Variants in SYT14 observed in about 807,000 individuals in gnomAD.
SYT14 encodes the protein synaptotagmin-14.
Under a neutral mutation model 74.2 loss-of-function variants are expected in SYT14, and 32 were observed. The ratio of observed to expected loss-of-function variants is 0.43; its 90% CI spans 0.33 to 0.58. The LOEUF is 0.58. Among genes scored for constraint, SYT14 ranks in the 20% least tolerant of loss-of-function variants. The pLI, the probability that SYT14 is intolerant of heterozygous loss-of-function variation, is 0.05. For missense variants in SYT14, 791 were observed against 981.8 expected (o/e 0.81, Z 2.60); for synonymous variants, 298 against 337.7 (o/e 0.88, Z 1.29).
intron 5 of SYT14, among the ~76,000 whole-genome samples, chr1:210,074,400 A>G (rs1036676317): frequency 5.9e-5 from 9 of 152,218 alleles, no homozygotes; most frequent in Non-Finnish European, 1.3e-4. Flanking sequence ...TCTAATACCA[A>G]AACCCACATT....
intron 2 of SYT14, among the ~76,000 whole-genome samples, chr1:209,991,395 A>G (rs1157074310): frequency 6.6e-6 from 1 of 152,212 alleles, no homozygotes; most frequent in Non-Finnish European, 1.5e-5. Flanking sequence ...ATAAAGGTCC[A>G]ATGTCCAGAA....
intron 5 of SYT14, among the ~76,000 whole-genome samples, chr1:210,028,418 A>G (rs749247086): frequency 6.7e-6 from 1 of 149,680 alleles, no homozygotes; most frequent in Non-Finnish European, 1.5e-5. Flanking sequence ...CATACCCATT[A>G]AACAACTCCA....
chr1:210,153,571 G>A (rs1323097590), intron 7 of SYT14, among the ~76,000 whole-genome samples: 1 of 151,438 alleles, frequency 6.6e-6, no homozygotes, highest in Non-Finnish European at 1.5e-5. Flanking sequence ...TTTATTTTCT[G>A]TTTGCTTCTG....
chr1:210,136,528 G>A (rs1327236865), intron 7 of SYT14, among the ~76,000 whole-genome samples: 2 of 152,144 alleles, frequency 1.3e-5, no homozygotes, highest in African/African-American at 4.8e-5. Context: ...GAGTTAATTG[G>A]TTCTTCCAAG....
intron 7 of SYT14, among the ~76,000 whole-genome samples, chr1:210,149,143 TATAC>T (rs1268911483): frequency 6.6e-6 from 1 of 151,460 alleles, no homozygotes; most frequent in Admixed American, 6.6e-5. Context: ...CATATGTATA[TATAC>T]ATACATATAC....
At chr1:210,160,005 T>G (rs533251011) in intron 9 of SYT14, among the ~76,000 whole-genome samples, 1 of 152,320 alleles carries the variant, frequency 6.6e-6, no homozygotes, top group South Asian at 2.1e-4. Context: ...ACATTAAATT[T>G]GTGCCAAAAA....
At chr1:210,094,210 T>C (rs2081927555) in intron 5 of SYT14, 112 bp from the exon 5 acceptor site, 3 of 1,386,324 alleles carry the variant, frequency 2.2e-6, no homozygotes, top group African/African-American at 2.8e-5. Context: ...CTAATAGTTA[T>C]GTTGCCATCA....
At chr1:209,949,978 A>G (rs2078886380) in intron 1 of SYT14, among the ~76,000 whole-genome samples, 1 of 152,164 alleles carries the variant, frequency 6.6e-6, no homozygotes, top group Non-Finnish European at 1.5e-5. Context: ...AAAAGTGGGA[A>G]TTGGCTTTCA....
At chr1:210,059,459 G>T (rs905875539) in intron 5 of SYT14, among the ~76,000 whole-genome samples, 1,493 of 122,186 alleles carry the variant, frequency 0.012, 18 homozygotes, top group African/African-American at 0.022. Context: ...TATAGAGAGA[G>T]AGAGAGAGAG....
intron 5 of SYT14, among the ~76,000 whole-genome samples, chr1:210,073,335 A>G (rs747218331): frequency 6.6e-6 from 1 of 152,004 alleles, no homozygotes; most frequent in Non-Finnish European, 1.5e-5. Flanking sequence ...AAAGGTCTAT[A>G]ATTGCTGTAT....
intron 2 of SYT14, among the ~76,000 whole-genome samples, chr1:209,972,696 CTG>C (rs1206969450): frequency 6.6e-6 from 1 of 152,114 alleles, no homozygotes. Context: ...TTTTATTTCA[CTG>C]TGATCTGAAC....
exon 10 of SYT14, chr1:210,161,191 G>T: frequency 1.2e-6 from 1 of 841,372 alleles, no homozygotes; most frequent in South Asian, 1.4e-5. Context: ...TGGAAAGAAC[G>T]TCTCATACTG....
chr1:210,153,108 T>C (rs2083199757), intron 7 of SYT14, among the ~76,000 whole-genome samples: 3 of 152,156 alleles, frequency 2.0e-5, no homozygotes, highest in Non-Finnish European at 1.5e-5. Context: ...ACTGCACTTA[T>C]TTCTGATGGG....
intron 2 of SYT14, among the ~76,000 whole-genome samples, chr1:209,987,210 T>C (rs911772229): frequency 5.9e-5 from 9 of 152,224 alleles, no homozygotes; most frequent in Non-Finnish European, 1.2e-4. Context: ...ACTTCCAAAG[T>C]TGCTTTCACA....
Position 210,122,432 on chromosome 1 carries a change from A to G in SYT14, c.2034+21971A>G, listed in dbSNP as rs543346075. Among the ~76,000 whole-genome samples, 19 of 152,298 alleles carry G rather than the reference A, an allele frequency of 1.2e-4. 1 individual carries two copies. In the East Asian group the frequency reaches 3.7e-3, roughly 29 times the overall value. On this transcript the variant is annotated intron_variant, in intron 7 of 9. Coordinates refer to ENST00000637265, the Ensembl canonical transcript of SYT14. Reference sequence around the variant, plus strand: ...TCTTTCTGAAACTTTCTTGGTTGTCATGGCAGAGAGCATAGAAAACTAATC... The same window carrying G: ...TCTTTCTGAAACTTTCTTGGTTGTCGTGGCAGAGAGCATAGAAAACTAATC...
chr1:210,023,595 G>A (rs917235405), intron 5 of SYT14, among the ~76,000 whole-genome samples: 8 of 152,116 alleles, frequency 5.3e-5, no homozygotes, highest in Non-Finnish European at 1.2e-4. Flanking sequence ...GCCCGCCTCG[G>A]CCTCCCAAAG....
At chr1:210,144,470 G>A (rs968808991) in intron 7 of SYT14, among the ~76,000 whole-genome samples, 1 of 151,966 alleles carries the variant, frequency 6.6e-6, no homozygotes, top group Non-Finnish European at 1.5e-5. Context: ...CCGTAAATCT[G>A]ACTGCAAAGT....
At chr1:210,161,715 G>T (rs114260748) in exon 10 of SYT14, 6 of 453,516 alleles carry the variant, frequency 1.3e-5, no homozygotes, top group Non-Finnish European at 2.2e-5. Flanking sequence ...ATTTGCCTCC[G>T]CTTTCGCCTG....
chr1:210,100,468 A>T lies in SYT14; in HGVS notation c.2034+7A>T. The T allele has an allele frequency of 6.2e-7, 1 of 1,611,102 alleles. No homozygotes were observed. The highest frequency in any genetic ancestry group is 8.5e-7 in the Non-Finnish European group (1 of 1,178,346). On this transcript the variant is annotated splice_region_variant and intron_variant, in intron 7 of 9. Transcript: ENST00000637265. ...ACCTTCTTACAATCATTCTGTGAGT[A>T]TCTCATCAAATGGCCTGAATACAGT...
Sources: gnomAD v4.1 joint callset for allele counts (sites outside exome capture counted in the v4.1 genomes callset) on GRCh38, gnomAD v4.1.1 for gene constraint, MANE v1.5 for transcripts, NCBI Gene and HGNC (gene_info 2026-07-23, HGNC 2026-07-21) for gene names.